Variants in CMC1 observed in about 807,000 individuals in gnomAD.
CMC1 encodes C-X9-C motif containing 1.
Under a neutral mutation model 14.1 loss-of-function variants are expected in CMC1, and 14 were observed. The observed-to-expected ratio is 0.99, with a 90% CI of 0.66 to 1.55. The LOEUF (loss-of-function observed/expected upper bound fraction) is 1.55. Among genes scored for constraint, CMC1 ranks in the 40% most tolerant of loss-of-function variants. The pLI, the probability that CMC1 is intolerant of heterozygous loss-of-function variation, is 0.00. For synonymous variants in CMC1, 50 were observed against 38.4 expected (o/e 1.30, Z -1.12); for missense variants, 127 against 123.8 (o/e 1.03, Z -0.12).
chr3:28,259,087 A>C (rs1699590121), intron 1 of CMC1, among the ~76,000 whole-genome samples: 1 of 151,822 alleles, frequency 6.6e-6, no homozygotes. Flanking sequence ...TGTTTTGGCT[A>C]TTCTATGTCC....
At position 28,241,750 on chromosome 3, in the gene CMC1, G is replaced by A. The variant is rs2125405829; in HGVS notation, c.-44G>A. 2 of 1,241,748 alleles carry A rather than the reference G, an allele frequency of 1.6e-6. No homozygotes were observed. Among genetic ancestry groups the A allele is most frequent in the Non-Finnish European group, 2.0e-6 (2 of 988,060 alleles). 76.9% of individuals were successfully genotyped at this position (1,241,748 alleles called of 1,614,324 possible). The stretch of plus-strand genomic sequence containing the variant: ...CTCCCCTCCACTCCCCTTCCTGCGT[G>A]CCCCGGAGCCGCCAAGCGGCTACGT... On this transcript the variant is annotated 5_prime_UTR_variant, in exon 1 of 4. Coordinates refer to ENST00000466830, the MANE Select transcript of CMC1 (RefSeq NM_182523.2).
chr3:28,302,437 G>A (rs1349909631), intron 2 of CMC1, among the ~76,000 whole-genome samples: 2 of 152,290 alleles, frequency 1.3e-5, no homozygotes, highest in African/African-American at 4.8e-5. Flanking sequence ...TGTAAGAAAA[G>A]TGTGTTTGGG....
chr3:28,316,965 G>C (rs1702956485), intron 3 of CMC1: 1 of 152,002 alleles, frequency 6.6e-6, no homozygotes. Context: ...GTAAAAATGT[G>C]TGAAGTTCTT....
chr3:28,274,516 C>A (rs1180421495), intron 2 of CMC1, among the ~76,000 whole-genome samples: 1 of 152,012 alleles, frequency 6.6e-6, no homozygotes, highest in East Asian at 1.9e-4. Context: ...TTTAGGTGAT[C>A]TGGCCTTTCT....
At chr3:28,299,039 A>G (rs956272488) in intron 2 of CMC1, among the ~76,000 whole-genome samples, 1 of 152,094 alleles carries the variant, frequency 6.6e-6, no homozygotes, top group African/African-American at 2.4e-5. Flanking sequence ...TTGAGCTGAT[A>G]AATAGTGAGG....
At chr3:28,295,500 C>A (rs1701691752) in intron 2 of CMC1, among the ~76,000 whole-genome samples, 1 of 152,044 alleles carries the variant, frequency 6.6e-6, no homozygotes, top group Non-Finnish European at 1.5e-5. Context: ...TTAGAGGGGC[C>A]TACCTGGATG....
chr3:28,275,405 A>G (rs1700529919), intron 2 of CMC1, among the ~76,000 whole-genome samples: 1 of 139,918 alleles, frequency 7.1e-6, no homozygotes, highest in Non-Finnish European at 1.5e-5. Context: ...GGTCCGCTTC[A>G]GACCCTATTT....
intron 2 of CMC1, among the ~76,000 whole-genome samples, chr3:28,289,209 ATTCTGAAAGAATTTTTT>A (rs1701346847): frequency 6.6e-6 from 1 of 151,888 alleles, no homozygotes; most frequent in Admixed American, 6.6e-5. Context: ...TGCTCTAAAA[ATTCTGAAAGAATTTTTT>A]TAGTTAAATT....
At chr3:28,276,917 G>C (rs1700616707) in intron 2 of CMC1, among the ~76,000 whole-genome samples, 1 of 152,140 alleles carries the variant, frequency 6.6e-6, no homozygotes, top group Non-Finnish European at 1.5e-5. Context: ...GTACAAAAGA[G>C]ATAAAAGCAG....
intron 2 of CMC1, among the ~76,000 whole-genome samples, chr3:28,300,774 T>G (rs1215018242): frequency 1.3e-5 from 2 of 149,648 alleles, no homozygotes; most frequent in Non-Finnish European, 3.0e-5. Context: ...CATAATATTC[T>G]GTAAGATGTA....
At position 28,324,204 on chromosome 3, in the gene CMC1, A is replaced by G. The variant is rs746751255; in HGVS notation, c.*4575A>G. The G allele has an allele frequency of 1.3e-5, 21 of 1,610,636 alleles. No individual in the cohort carries two copies. The highest frequency in any genetic ancestry group is 1.1e-4 in the East Asian group (5 of 44,802). On this transcript the variant is annotated 3_prime_UTR_variant, in exon 4 of 4. Coordinates refer to ENST00000466830, the MANE Select transcript of CMC1 (RefSeq NM_182523.2). ...AATTGTCTTCCAGAGAATTTCTGCC[A>G]TAAGAACTGTGTTCCTGAAAGCATG...
chr3:28,286,706 A>G (rs1168702026), intron 2 of CMC1, among the ~76,000 whole-genome samples: 1 of 152,192 alleles, frequency 6.6e-6, no homozygotes, highest in African/African-American at 2.4e-5. Flanking sequence ...TCCAAGATAT[A>G]AGGAAGTAGG....
chr3:28,278,641 A>G (rs902742014), intron 2 of CMC1, among the ~76,000 whole-genome samples: 9 of 152,366 alleles, frequency 5.9e-5, no homozygotes, highest in Non-Finnish European at 1.0e-4. Flanking sequence ...TCAACAAACT[A>G]TCCTTCAGTA....
At position 28,265,145 on chromosome 3, in the gene CMC1, A is replaced by C. The variant is rs552903470; in HGVS notation, c.109+1765A>C. ...TTTAATATACTTACGGTTTCTGAAG[A>C]CTGAAAGCATCTTAAAATCTGTGAC... On this transcript the variant is annotated intron_variant, in intron 2 of 3. Coordinates refer to ENST00000466830, the MANE Select transcript of CMC1 (RefSeq NM_182523.2). 9.9e-5 allele frequency among the ~76,000 whole-genome samples: 15 copies of C among 152,258 alleles called. No individual in the cohort carries two copies. In the East Asian group the frequency reaches 2.9e-3, roughly 29 times the overall value.
intron 2 of CMC1, among the ~76,000 whole-genome samples, chr3:28,298,791 T>A (rs1701877809): frequency 6.6e-6 from 1 of 152,080 alleles, no homozygotes; most frequent in African/African-American, 2.4e-5. Context: ...TATTCTTGGA[T>A]TCACTAATTT....
At chr3:28,257,130 G>C (rs1272306124) in intron 1 of CMC1, among the ~76,000 whole-genome samples, 1 of 152,094 alleles carries the variant, frequency 6.6e-6, no homozygotes, top group African/African-American at 2.4e-5. Flanking sequence ...TATGAGTGCA[G>C]ATTTCTATAA....
Position 28,324,744 on chromosome 3 carries a change from T to A in CMC1, c.*5115T>A. 3.8e-6 allele frequency: 1 copy of A among 266,454 alleles called. No individual in the cohort carries two copies. The highest frequency in any genetic ancestry group is 7.0e-6 in the Non-Finnish European group (1 of 142,102). 16.5% of individuals were successfully genotyped at this position (266,454 alleles called of 1,614,324 possible). ...TCCTGTCCCAACTATGTCATAGAGC[T>A]TTTAAAAGATGAAGAACTACATATT... On this transcript the variant is annotated 3_prime_UTR_variant, in exon 4 of 4. Transcript: ENST00000466830.
At chr3:28,243,560 C>T (rs1576956904) in intron 1 of CMC1, among the ~76,000 whole-genome samples, 1 of 152,322 alleles carries the variant, frequency 6.6e-6, no homozygotes, top group East Asian at 1.9e-4. Context: ...TTGTGTTGTA[C>T]CCAAGGCCAC....
At chr3:28,274,014 C>T (rs1700429085) in intron 2 of CMC1, among the ~76,000 whole-genome samples, 1 of 152,066 alleles carries the variant, frequency 6.6e-6, no homozygotes, top group Admixed American at 6.5e-5. Flanking sequence ...TTGAATACAG[C>T]ACACTAATGG....
Sources: allele counts gnomAD v4.1 joint callset (sites outside exome capture counted in the v4.1 genomes callset), GRCh38; gene constraint gnomAD v4.1.1; transcripts MANE v1.5; gene names NCBI Gene and HGNC (gene_info 2026-07-23, HGNC 2026-07-21).